TERB2: variants seen among roughly 807,000 people sequenced by gnomAD.
The protein encoded by TERB2 is telomere repeat binding bouquet formation protein 2.
TERB2 carries 26 observed loss-of-function variants against 29.8 expected under a neutral mutation model. That is an observed-to-expected ratio of 0.87 (90% CI 0.64 to 1.21). The LOEUF (loss-of-function observed/expected upper bound fraction) is 1.21, where lower values mean the gene tolerates loss of function less well. Ranked by LOEUF, TERB2 falls within the 50% of genes most tolerant of loss-of-function variation. The pLI is 0.00. For synonymous variants in TERB2, 80 were observed against 90.8 expected, an observed-to-expected ratio of 0.88 and a Z score of 0.68; for missense variants, 240 against 268.6, an observed-to-expected ratio of 0.89 and a Z score of 0.74.
chr15:44,975,019 A>G (rs1230267302), intron 6 of TERB2, among the ~76,000 whole-genome samples: 1 of 152,192 alleles, frequency 6.6e-6, no homozygotes, highest in Non-Finnish European at 1.5e-5. Flanking sequence ...ATTGCTGGAT[A>G]AAGAAACAGT....
At chr15:44,965,162 CAAAAAAAAAAAA>C (rs66756472) in intron 4 of TERB2, among the ~76,000 whole-genome samples, 4 of 48,814 alleles carry the variant, frequency 8.2e-5, no homozygotes, top group African/African-American at 1.8e-4. Flanking sequence ...GACTCTGTCT[CAAAAAAAAAAAA>C]AAAAAAAAAA....
At chr15:44,975,589 G>A (rs942859134) in intron 6 of TERB2, among the ~76,000 whole-genome samples, 11 of 151,982 alleles carry the variant, frequency 7.2e-5, no homozygotes, top group East Asian at 1.9e-4. Flanking sequence ...CAGTTTTGGC[G>A]CTACTGGCAT....
chr15:44,967,770 T>G (rs1302834401), intron 5 of TERB2, among the ~76,000 whole-genome samples: 1 of 141,150 alleles, frequency 7.1e-6, no homozygotes, highest in African/African-American at 2.7e-5. Context: ...AGGATGGGAC[T>G]GGGGTACCCT....
chr15:44,977,016 G>T (rs1892056770), intron 6 of TERB2, among the ~76,000 whole-genome samples: 1 of 151,864 alleles, frequency 6.6e-6, no homozygotes, highest in South Asian at 2.1e-4. Context: ...AATACATAGA[G>T]AAAAACTTGA....
chr15:44,961,418 C>T (rs1891801580), intron 3 of TERB2, 105 bp from the exon 4 acceptor site: 1 of 722,080 alleles, frequency 1.4e-6, no homozygotes, highest in Non-Finnish European at 2.3e-6. Flanking sequence ...GATTTTGTTG[C>T]AAATAGAATA....
intron 5 of TERB2, among the ~76,000 whole-genome samples, chr15:44,973,284 A>T (rs945199188): frequency 1.3e-5 from 2 of 152,156 alleles, no homozygotes; most frequent in Admixed American, 6.5e-5. Context: ...TTAAAATAGA[A>T]TCTACTATGC....
In TERB2 at chr15:44,958,515, T is replaced by A. The variant is rs752743642; in HGVS notation, c.286+3T>A. ...TCCTCCTGCGTGCCTGCAAAAAGGT[T>A]AGCAAAGATCATTCAGCCAATCCCT... On this transcript the variant is annotated splice_donor_region_variant and intron_variant, in intron 3 of 6. Transcript: ENST00000340827. 6.2e-7 allele frequency: 1 copy of A among 1,605,904 alleles called. No homozygotes were observed. Among genetic ancestry groups the A allele is most frequent in the Non-Finnish European group, 8.5e-7 (1 of 1,175,344 alleles).
chr15:44,967,769 CT>C (rs1891911169), intron 5 of TERB2, among the ~76,000 whole-genome samples: 1 of 140,890 alleles, frequency 7.1e-6, no homozygotes, highest in East Asian at 2.1e-4. Context: ...GAGGATGGGA[CT>C]GGGGTACCCT....
chr15:44,958,613 A>C, intron 3 of TERB2, 101 bp downstream of exon 3: 1 of 1,291,598 alleles, frequency 7.7e-7, no homozygotes, highest in Non-Finnish European at 1.0e-6. Flanking sequence ...TCTCAGTCAC[A>C]TATTTTTGAA....
rs566347797 is a variant in TERB2, at chr15:44,976,939, C to T, written c.524-1550C>T. On this transcript the variant is annotated intron_variant, in intron 6 of 6. Transcript: ENST00000340827. The stretch of plus-strand genomic sequence containing the variant: ...AACTCTAAGATGTAAAACTTAGGAG[C>T]TGTCATTGGCCATATTTTCTACCAT... Among the ~76,000 whole-genome samples, 17 of 152,192 alleles carry T rather than the reference C, an allele frequency of 1.1e-4. No homozygotes were observed. In the South Asian group the frequency reaches 3.1e-3, roughly 28 times the overall value.
At chr15:44,968,104 T>C in intron 5 of TERB2, among the ~76,000 whole-genome samples, 1 of 142,270 alleles carries the variant, frequency 7.0e-6, no homozygotes, top group Admixed American at 7.1e-5. Flanking sequence ...AGCATAGTAC[T>C]AGGGACGTTG....
At chr15:44,977,361 C>T (rs1892061338) in intron 6 of TERB2, among the ~76,000 whole-genome samples, 1 of 152,164 alleles carries the variant, frequency 6.6e-6, no homozygotes, top group Non-Finnish European at 1.5e-5. Context: ...ATGTCCTATC[C>T]TTCTTATACT....
chr15:44,969,399 C>T (rs563761635), intron 5 of TERB2, among the ~76,000 whole-genome samples: 2 of 152,232 alleles, frequency 1.3e-5, no homozygotes, highest in African/African-American at 2.4e-5. Flanking sequence ...TGCGCCAACT[C>T]GCCCAGCCTA....
At chr15:44,966,267 A>C (rs757566716) in intron 5 of TERB2, 24 bp downstream of exon 5, 6 of 1,407,066 alleles carry the variant, frequency 4.3e-6, no homozygotes, top group African/African-American at 1.5e-5. Flanking sequence ...AAACTTCATT[A>C]ATATTCAATT....
chr15:44,956,907 G>A lies in TERB2; in HGVS notation c.76G>A (p.Gly26Arg), dbSNP rs944248985. The A allele has an allele frequency of 1.2e-6, 2 of 1,614,016 alleles. No individual in the cohort carries two copies. Among genetic ancestry groups the A allele is most frequent in the African/African-American group, 1.3e-5 (1 of 74,990 alleles). Residue 26 changes from glycine (G) to arginine (R), a missense_variant, in exon 2 of 7, where the codon GGA becomes AGA. By Grantham distance (125) the Gly-to-Arg change is moderately radical. Coordinates refer to ENST00000340827, the MANE Select transcript of TERB2 (RefSeq NM_152448.3). Reference sequence around the variant, plus strand: ...TCTTACCTCCACAGTGGCTGAAGGGGGAACGATCAGTGACCCGCGAGCCGC... The same window carrying A: ...TCTTACCTCCACAGTGGCTGAAGGGAGAACGATCAGTGACCCGCGAGCCGC... ...DLRQFWVAEG[G>R]TISDPRAADF...
chr15:44,961,464 T>C lies in TERB2; in HGVS notation c.287-59T>C, dbSNP rs903172927. 4.8e-6 allele frequency: 6 copies of C among 1,262,554 alleles called. No individual in the cohort carries two copies. The African/African-American group carries it at 7.7e-5, about 16-fold the overall frequency. The allele number at this position is 1,262,554 out of a possible 1,614,324, so 78.2% of individuals were successfully genotyped here. On this transcript the variant is annotated intron_variant, in intron 3 of 6. Transcript: ENST00000340827. ...AGAAATTTCAGACTTTAAGCAAAAT[T>C]CAGAAGATTCTTAAAAAAAAAAACC...
Position 44,956,713 on chromosome 15 carries a change from G to A in TERB2, c.-6G>A, listed in dbSNP as rs755232755. On this transcript the variant is annotated 5_prime_UTR_variant, in exon 1 of 7. Transcript: ENST00000340827. ...TCTCTCACATCTCCACAGGCTTGGC[G>A]ACGCCATGTTTCAAGGGCAGCGCGG... 8.1e-6 allele frequency: 13 copies of A among 1,601,888 alleles called. No homozygotes were observed. Among genetic ancestry groups the A allele is most frequent in the South Asian group, 3.3e-5 (3 of 89,952 alleles).
intron 4 of TERB2, among the ~76,000 whole-genome samples, chr15:44,961,886 G>T (rs1891809323): frequency 3.9e-5 from 6 of 151,986 alleles, no homozygotes; most frequent in Admixed American, 3.9e-4. Flanking sequence ...TTTTAGTAGA[G>T]ATGGGGTTTC....
chr15:44,960,688 C>T (rs886313521), intron 3 of TERB2, among the ~76,000 whole-genome samples: 2 of 152,036 alleles, frequency 1.3e-5, no homozygotes, highest in South Asian at 2.1e-4. Flanking sequence ...CTTACAGCAC[C>T]TCTCAATTTG....
Sources: gnomAD v4.1 joint callset for allele counts (sites outside exome capture counted in the v4.1 genomes callset) on GRCh38, gnomAD v4.1.1 for gene constraint, MANE v1.5 for transcripts, NCBI Gene and HGNC (gene_info 2026-07-23, HGNC 2026-07-21) for gene names.